Variants in SLC2A13 observed in about 807,000 individuals in gnomAD.
The protein encoded by SLC2A13 is solute carrier family 2 member 13, also known as proton myo-inositol cotransporter.
In SLC2A13, 32 loss-of-function variants were observed where a neutral mutation model predicts 64.4. That is an observed-to-expected ratio of 0.50 (90% confidence interval 0.37 to 0.67). The LOEUF (loss-of-function observed/expected upper bound fraction) is 0.67. Ranked by LOEUF, SLC2A13 falls within the 30% of genes least tolerant of loss-of-function variation. The pLI is 0.00. For missense variants in SLC2A13, 743 were observed against 829.2 expected, an observed-to-expected ratio of 0.90 and a Z score of 1.28; for synonymous variants, 338 against 327.1, an observed-to-expected ratio of 1.03 and a Z score of -0.36.
intron 1 of SLC2A13, among the ~76,000 whole-genome samples, chr12:40,095,793 A>G (rs987143333): frequency 2.6e-5 from 4 of 152,262 alleles, no homozygotes; most frequent in Admixed American, 2.6e-4. Flanking sequence ...AGAAAAATGA[A>G]TGAAGCATGT....
At chr12:40,002,692 C>T (rs370459663) in intron 3 of SLC2A13, among the ~76,000 whole-genome samples, 19 of 152,198 alleles carry the variant, frequency 1.2e-4, no homozygotes, top group South Asian at 1.0e-3. Flanking sequence ...AATCCATCCC[C>T]GTGAAGGGTT....
chr12:39,798,796 A>C (rs1028986142), intron 7 of SLC2A13, among the ~76,000 whole-genome samples: 2 of 152,170 alleles, frequency 1.3e-5, no homozygotes, highest in African/African-American at 2.4e-5. Flanking sequence ...GAAGCTCAAA[A>C]TACTTTGTAT....
rs148369646 is a variant in SLC2A13 at position 39,904,597 on chromosome 12, A to T, written c.1035-32636T>A. 7.0e-3 allele frequency among the ~76,000 whole-genome samples: 1,067 copies of T among 152,154 alleles called. 9 individuals carry two copies. Among genetic ancestry groups the T allele is most frequent in the African/African-American group, 0.019 (772 of 41,528 alleles). On this transcript the variant is annotated intron_variant, in intron 4 of 9. Coordinates refer to ENST00000280871, the MANE Select transcript of SLC2A13 (RefSeq NM_052885.4). ...AGAAAGCTCTTGTTTACTGGACTGG[A>T]TATCCACACAGATGTTGCAGATGAG...
rs908001616 is a variant in SLC2A13 at position 39,826,864 on chromosome 12, T to TTTTTTTTTTTTTTTC, written c.1445+3238_1445+3239insGAAAAAAAAAAAAAA. On this transcript the variant is annotated intron_variant, in intron 7 of 9. Coordinates refer to ENST00000280871, the MANE Select transcript of SLC2A13 (RefSeq NM_052885.4). The stretch of plus-strand genomic sequence containing the variant: ...TTAAAGTCTCTTTCAATTTTTTTTT[T>TTTTTTTTTTTTTTTC]TTTTTTTTGCAATGCAAGGTTCTTT... 7.7e-4 allele frequency among the ~76,000 whole-genome samples: 110 copies of TTTTTTTTTTTTTTTC among 143,588 alleles called. 2 individuals are homozygous for TTTTTTTTTTTTTTTC. Among genetic ancestry groups the TTTTTTTTTTTTTTTC allele is most frequent in the Middle Eastern group, 3.7e-3 (1 of 272 alleles). 94.2% of individuals were successfully genotyped at this position (143,588 alleles called of 152,430 possible).
intron 3 of SLC2A13, among the ~76,000 whole-genome samples, chr12:39,972,801 C>A (rs1399604589): frequency 1.3e-5 from 2 of 152,232 alleles, no homozygotes; most frequent in Non-Finnish European, 2.9e-5. Flanking sequence ...GGCATAGTGG[C>A]TCACACCTGT....
intron 6 of SLC2A13, among the ~76,000 whole-genome samples, chr12:39,855,965 G>T (rs1419453182): frequency 6.6e-6 from 1 of 152,168 alleles, no homozygotes; most frequent in Non-Finnish European, 1.5e-5. Flanking sequence ...CCTGTTTTAT[G>T]CCCAGAGACC....
At chr12:40,059,235 CCATCTA>C (rs1159056896) in intron 1 of SLC2A13, among the ~76,000 whole-genome samples, 2 of 152,142 alleles carry the variant, frequency 1.3e-5, no homozygotes. Context: ...TACAAACTCT[CCATCTA>C]CAAGTATGCT....
chr12:39,965,231 C>A (rs1946488363), intron 3 of SLC2A13, among the ~76,000 whole-genome samples: 1 of 152,066 alleles, frequency 6.6e-6, no homozygotes, highest in African/African-American at 2.4e-5. Context: ...CAGTTGGTAA[C>A]TAAACACTCC....
At chr12:40,062,297 G>A (rs972046026) in intron 1 of SLC2A13, among the ~76,000 whole-genome samples, 4 of 151,832 alleles carry the variant, frequency 2.6e-5, no homozygotes, top group African/African-American at 9.7e-5. Flanking sequence ...CTAGCTGATG[G>A]TAGAGGATAG....
chr12:39,829,392 C>CTTTTTTTTTTTTTTTTT lies in SLC2A13; in HGVS notation c.1445+694_1445+710dup, dbSNP rs1202354539. ...AAAAGAATGTAATGTGATAGTAATT[C>CTTTTTTTTTTTTTTTTT]TTTTTTTTTTTTTTTTTTTTTTTCT... On this transcript the variant is annotated intron_variant, in intron 7 of 9. Transcript: ENST00000280871. 4.3e-4 allele frequency: 28 copies of CTTTTTTTTTTTTTTTTT among 65,798 alleles called. 4 individuals carry two copies. Among genetic ancestry groups the CTTTTTTTTTTTTTTTTT allele is most frequent in the African/African-American group, 6.3e-4 (9 of 14,400 alleles). The allele number at this position is 65,798 out of a possible 1,614,324, so 4.1% of individuals were successfully genotyped here.
Position 39,776,429 on chromosome 12 carries a change from C to G in SLC2A13, c.1446-11571G>C, listed in dbSNP as rs559251554. Among the ~76,000 whole-genome samples the G allele has an allele frequency of 9.7e-4, 148 of 152,290 alleles. 2 individuals carry two copies. The highest frequency in any genetic ancestry group is 3.3e-3 in the African/African-American group (137 of 41,552). ...AGGCCACCAACAGCCTGCCCAGTGC[C>G]CTAGGAAGCGGCTTGGCAAGGGGTG... is the stretch of plus-strand genomic sequence containing the variant. On this transcript the variant is annotated intron_variant, in intron 7 of 9. Transcript: ENST00000280871.
At chr12:40,080,383 T>G (rs1938348686) in intron 1 of SLC2A13, among the ~76,000 whole-genome samples, 1 of 152,084 alleles carries the variant, frequency 6.6e-6, no homozygotes, top group Non-Finnish European at 1.5e-5. Context: ...TTATCCTGTT[T>G]ATGTTCAAGG....
chr12:39,864,784 T>C lies in SLC2A13; in HGVS notation c.1297A>G (p.Asn433Asp). Residue 433 changes from asparagine (N) to aspartate (D), a missense_variant, in exon 6 of 10, where the codon AAC (asparagine) becomes GAC (aspartate). Around this residue, in one of 2 missense-constraint regions of SLC2A13, gnomAD observed 295 missense variants for 381.7 expected, o/e 0.77. Coordinates refer to ENST00000280871, the MANE Select transcript of SLC2A13 (RefSeq NM_052885.4). ...TFKPIAPSGQ[N>D]ATCTRYSYCN... is the part of the protein sequence containing the mutation. Reference sequence around the variant, plus strand: ...CACCTGTATCTTGTGCAAGTGGCGTTCTGACCTGACGGAGCTATTGGCTTA... The same window carrying C: ...CACCTGTATCTTGTGCAAGTGGCGTCCTGACCTGACGGAGCTATTGGCTTA... 6.2e-7 allele frequency: 1 copy of C among 1,614,048 alleles called. No individual in the cohort carries two copies. Among genetic ancestry groups the C allele is most frequent in the Non-Finnish European group, 8.5e-7 (1 of 1,179,950 alleles).
chr12:39,924,348 C>T (rs1380845328), intron 4 of SLC2A13, among the ~76,000 whole-genome samples: 1 of 152,044 alleles, frequency 6.6e-6, no homozygotes, highest in African/African-American at 2.4e-5. Flanking sequence ...GAGGACTTCA[C>T]CTTTTTCTGA....
At chr12:39,963,808 T>G (rs1345571843) in intron 3 of SLC2A13, among the ~76,000 whole-genome samples, 1 of 152,178 alleles carries the variant, frequency 6.6e-6, no homozygotes, top group Non-Finnish European at 1.5e-5. Flanking sequence ...CCTTTTTAGA[T>G]TCAGACATTC....
At chr12:39,987,180 C>T (rs1361113880) in intron 3 of SLC2A13, among the ~76,000 whole-genome samples, 1 of 152,066 alleles carries the variant, frequency 6.6e-6, no homozygotes, top group Non-Finnish European at 1.5e-5. Context: ...GGCAAGATTG[C>T]CATGAATGAA....
In SLC2A13 at chr12:39,975,700, C is replaced by A. The variant is rs28370729; in HGVS notation, c.926-24335G>T. On this transcript the variant is annotated intron_variant, in intron 3 of 9. Coordinates refer to ENST00000280871, the MANE Select transcript of SLC2A13 (RefSeq NM_052885.4). ...CTGGAGGAAGATTTATTTATTTGAT[C>A]AGAATAGCTGTCCAAACTTCAGATG... 9.2e-3 allele frequency among the ~76,000 whole-genome samples: 1,394 copies of A among 152,310 alleles called. 21 individuals are homozygous for A. Among genetic ancestry groups the A allele is most frequent in the African/African-American group, 0.032 (1,321 of 41,578 alleles).
intron 4 of SLC2A13, among the ~76,000 whole-genome samples, chr12:39,905,478 AG>A (rs2136027590): frequency 6.6e-6 from 1 of 152,274 alleles, no homozygotes. Context: ...AGTTTCTAGA[AG>A]AGTTGCTTCA....
intron 7 of SLC2A13, among the ~76,000 whole-genome samples, chr12:39,789,427 A>G (rs1220108864): frequency 1.3e-5 from 2 of 152,188 alleles, no homozygotes; most frequent in Non-Finnish European, 2.9e-5. Flanking sequence ...ATGAAAATAC[A>G]TCAGTTTATC....
Sources: gnomAD v4.1 joint callset for allele counts (sites outside exome capture counted in the v4.1 genomes callset) on GRCh38, gnomAD v4.1.1 for gene constraint, gnomAD v4.1.1 regional missense constraint, MANE v1.5 for transcripts, NCBI Gene and HGNC (gene_info 2026-07-23, HGNC 2026-07-21) for gene names.